Variants in SAMD5 observed in about 807,000 individuals in gnomAD.
The protein encoded by SAMD5 is sterile alpha motif domain-containing protein 5.
SAMD5 carries 13 observed loss-of-function variants against 11.3 expected under a neutral mutation model. The ratio of observed to expected loss-of-function variants is 1.15; its 90% CI spans 0.75 to 1.83. SAMD5 has a LOEUF of 1.83. SAMD5 is among the 40% of genes most tolerant of loss of function. SAMD5 has a pLI of 0.00. For missense variants in SAMD5, 255 were observed against 239.1 expected (o/e 1.07, Z -0.44); for synonymous variants, 129 against 111.3 (o/e 1.16, Z -1.00).
chr6:147,818,835 T>G, the SAMD5 span, among the ~76,000 whole-genome samples: 2 of 152,216 alleles, frequency 1.3e-5, no homozygotes, highest in African/African-American at 4.8e-5. Flanking sequence ...CTTGTGACCC[T>G]TCAGTCCTAC....
At chr6:147,947,921 A>G in the SAMD5 span, among the ~76,000 whole-genome samples, 1 of 152,160 alleles carries the variant, frequency 6.6e-6, no homozygotes, top group Non-Finnish European at 1.5e-5. Flanking sequence ...TTTGCTACTT[A>G]CGTATACTGT....
the SAMD5 span, among the ~76,000 whole-genome samples, chr6:147,856,702 T>G: frequency 6.6e-6 from 1 of 152,070 alleles, no homozygotes; most frequent in African/African-American, 2.4e-5. Context: ...CAAAGCTGGC[T>G]TAATAGGTAT....
the SAMD5 span, among the ~76,000 whole-genome samples, chr6:147,805,423 T>C: frequency 2.0e-5 from 3 of 149,384 alleles, no homozygotes; most frequent in East Asian, 1.9e-4. Context: ...TGTTATATTG[T>C]AGTAATGGAA....
At chr6:147,673,455 C>T (rs956129498) in intron 1 of SAMD5, among the ~76,000 whole-genome samples, 6 of 152,084 alleles carry the variant, frequency 3.9e-5, no homozygotes, top group Admixed American at 1.3e-4. Flanking sequence ...CCTCTTGATC[C>T]GTCTGCCTCG....
At chr6:147,747,808 C>T in the SAMD5 span, among the ~76,000 whole-genome samples, 1 of 152,196 alleles carries the variant, frequency 6.6e-6, no homozygotes, top group Non-Finnish European at 1.5e-5. Context: ...ATTCTTATAG[C>T]TGCTGCGTTG....
At chr6:147,623,919 G>C (rs1003794890) in intron 1 of SAMD5, among the ~76,000 whole-genome samples, 12 of 151,636 alleles carry the variant, frequency 7.9e-5, no homozygotes, top group African/African-American at 2.9e-4. Context: ...GCCCAGGCTC[G>C]AGTGCAGTGG....
At chr6:147,765,614 C>T in the SAMD5 span, among the ~76,000 whole-genome samples, 1 of 152,194 alleles carries the variant, frequency 6.6e-6, no homozygotes, top group South Asian at 2.1e-4. Flanking sequence ...TTCCACCTAG[C>T]CTGCAGAGGA....
At position 147,566,680 on chromosome 6, in the gene SAMD5, CT is replaced by C. The variant is rs2128444850; in HGVS notation, c.*2225del. 1 of 984,296 alleles carries C rather than the reference CT, an allele frequency of 1.0e-6. No homozygotes were observed. The highest frequency in any genetic ancestry group is 6.1e-5 in the Admixed American group (1 of 16,282). The allele number at this position is 984,296 out of a possible 1,614,324, so 61.0% of individuals were successfully genotyped here. On this transcript the variant is annotated 3_prime_UTR_variant, in exon 2 of 2. Transcript: ENST00000367474. ...GTTAGAATTTGAAAATAACAATGCTCTGCTTAAAGTAAGAGTCACAGTCAGC... is the reference window on the plus strand; with the variant it reads ...GTTAGAATTTGAAAATAACAATGCTCGCTTAAAGTAAGAGTCACAGTCAGC...
At chr6:147,856,213 G>A in the SAMD5 span, among the ~76,000 whole-genome samples, 1,859 of 152,236 alleles carry the variant, frequency 0.012, 42 homozygotes, top group South Asian at 0.074. Context: ...TTTATATAAA[G>A]TTCTAGAAAA....
Position 147,567,346 on chromosome 6 carries a change from A to G in SAMD5, c.*2890A>G, listed in dbSNP as rs1789058198. 1 of 985,162 alleles carries G rather than the reference A, an allele frequency of 1.0e-6. No individual in the cohort carries two copies. The highest frequency in any genetic ancestry group is 1.2e-6 in the Non-Finnish European group (1 of 829,794). 61.0% of individuals were successfully genotyped at this position (985,162 alleles called of 1,614,324 possible). Reference sequence around the variant, plus strand: ...TATAGCATCTTGGTGTTATGCAATAAACAATGACAACAACAAGCATTGAGC... The same window carrying G: ...TATAGCATCTTGGTGTTATGCAATAGACAATGACAACAACAAGCATTGAGC... On this transcript the variant is annotated 3_prime_UTR_variant, in exon 2 of 2. Transcript: ENST00000367474.
At chr6:147,535,868 T>A (rs953600470) in intron 1 of SAMD5, among the ~76,000 whole-genome samples, 1 of 152,214 alleles carries the variant, frequency 6.6e-6, no homozygotes, top group Admixed American at 6.5e-5. Flanking sequence ...GTACAGGGAC[T>A]CTGTGTGGAC....
At chr6:147,770,948 A>G in the SAMD5 span, among the ~76,000 whole-genome samples, 14 of 152,240 alleles carry the variant, frequency 9.2e-5, no homozygotes, top group Admixed American at 1.3e-4. Flanking sequence ...AACCTGGACT[A>G]TAAATCCTCA....
At chr6:147,754,775 A>G in the SAMD5 span, among the ~76,000 whole-genome samples, 1 of 152,152 alleles carries the variant, frequency 6.6e-6, no homozygotes, top group African/African-American at 2.4e-5. Flanking sequence ...ATTCTTCTGC[A>G]TATGGATATC....
chr6:147,869,714 T>C, the SAMD5 span, among the ~76,000 whole-genome samples: 50,769 of 152,000 alleles, frequency 0.33, 9,555 homozygotes, highest in East Asian at 0.48. Flanking sequence ...TTATTATTAC[T>C]TTGATACAGG....
the SAMD5 span, among the ~76,000 whole-genome samples, chr6:147,922,305 G>A: frequency 6.6e-6 from 1 of 152,078 alleles, no homozygotes; most frequent in Non-Finnish European, 1.5e-5. Context: ...GTACATTCTA[G>A]TACTCACTAG....
the SAMD5 span, among the ~76,000 whole-genome samples, chr6:147,830,732 C>T: frequency 6.6e-6 from 1 of 152,094 alleles, no homozygotes; most frequent in Non-Finnish European, 1.5e-5. Flanking sequence ...TCCTTAAAAG[C>T]AAAATAACTA....
chr6:147,929,318 A>T, the SAMD5 span, among the ~76,000 whole-genome samples: 2 of 152,182 alleles, frequency 1.3e-5, no homozygotes, highest in Admixed American at 1.3e-4. Context: ...ACAGGGAAAT[A>T]ACATCACTTC....
chr6:147,871,883 TA>T, the SAMD5 span, among the ~76,000 whole-genome samples: 1 of 152,222 alleles, frequency 6.6e-6, no homozygotes, highest in African/African-American at 2.4e-5. Context: ...TTGTTTCTAA[TA>T]TAGCGAATTA....
At chr6:147,907,243 A>G in the SAMD5 span, among the ~76,000 whole-genome samples, 1 of 152,228 alleles carries the variant, frequency 6.6e-6, no homozygotes, top group Non-Finnish European at 1.5e-5. Context: ...GCGGTGGCTC[A>G]CGCCTGTAAT....
Sources: gnomAD v4.1 joint callset for allele counts (sites outside exome capture counted in the v4.1 genomes callset) on GRCh38, gnomAD v4.1.1 for gene constraint, MANE v1.5 for transcripts, NCBI Gene and HGNC (gene_info 2026-07-23, HGNC 2026-07-21) for gene names.